MACROD2: variants seen among roughly 807,000 people sequenced by gnomAD.
MACROD2 encodes ADP-ribose glycohydrolase MACROD2.
Under a neutral mutation model 70.4 loss-of-function variants are expected in MACROD2, and 36 were observed. The observed-to-expected ratio is 0.51, with a 90% CI of 0.39 to 0.68. The LOEUF (loss-of-function observed/expected upper bound fraction) is 0.68. MACROD2 is among the 30% of genes least tolerant of loss of function. The pLI is 0.00. For missense variants in MACROD2, 496 were observed against 538.4 expected (o/e 0.92, Z 0.78); for synonymous variants, 172 against 178.8 (o/e 0.96, Z 0.30).
At chr20:14,533,443 T>A (rs1345846274) in intron 4 of MACROD2, among the ~76,000 whole-genome samples, 1 of 152,216 alleles carries the variant, frequency 6.6e-6, no homozygotes, top group African/African-American at 2.4e-5. Context: ...ATTTTTAGAT[T>A]ATTTCTTAAC....
At chr20:15,193,875 A>G (rs888590303) in intron 5 of MACROD2, among the ~76,000 whole-genome samples, 2 of 152,058 alleles carry the variant, frequency 1.3e-5, no homozygotes, top group Admixed American at 6.6e-5. Context: ...TCACCAGATT[A>G]GTAATGAGAT....
intron 8 of MACROD2, among the ~76,000 whole-genome samples, chr20:15,557,220 A>G (rs907781677): frequency 6.6e-6 from 1 of 152,232 alleles, no homozygotes; most frequent in South Asian, 2.1e-4. Flanking sequence ...CCTTAAAAAA[A>G]AAAAAAAAAT....
intron 8 of MACROD2, among the ~76,000 whole-genome samples, chr20:15,801,223 A>C (rs2063723268): frequency 6.6e-6 from 1 of 151,870 alleles, no homozygotes; most frequent in African/African-American, 2.4e-5. Flanking sequence ...AAAACAAACA[A>C]ACAAAAACTG....
intron 3 of MACROD2, among the ~76,000 whole-genome samples, chr20:14,261,688 CCT>C (rs2122314695): frequency 6.6e-6 from 1 of 151,822 alleles, no homozygotes; most frequent in South Asian, 2.1e-4. Flanking sequence ...CGTTCCTTCC[CCT>C]GTTCATTTAT....
At chr20:15,133,375 T>C (rs2123282568) in intron 5 of MACROD2, among the ~76,000 whole-genome samples, 1 of 152,258 alleles carries the variant, frequency 6.6e-6, no homozygotes, top group Non-Finnish European at 1.5e-5. Context: ...GAACAGTTCA[T>C]TTGTAAACAA....
At chr20:14,774,789 A>T (rs2072213287) in intron 5 of MACROD2, among the ~76,000 whole-genome samples, 1 of 152,148 alleles carries the variant, frequency 6.6e-6, no homozygotes, top group Non-Finnish European at 1.5e-5. Flanking sequence ...TGGCCTAGAA[A>T]TATATAATAC....
chr20:14,688,726 A>T (rs375807125), intron 5 of MACROD2, among the ~76,000 whole-genome samples: 1 of 152,142 alleles, frequency 6.6e-6, no homozygotes. Flanking sequence ...GGACATTTCT[A>T]TTCATGCTAT....
intron 6 of MACROD2, among the ~76,000 whole-genome samples, chr20:15,367,739 G>A (rs2045432198): frequency 6.6e-6 from 1 of 151,710 alleles, no homozygotes; most frequent in South Asian, 2.1e-4. Context: ...TGGACCTGAG[G>A]AATCTGACAT....
At chr20:15,622,846 C>A (rs920048318) in intron 8 of MACROD2, among the ~76,000 whole-genome samples, 3 of 152,128 alleles carry the variant, frequency 2.0e-5, no homozygotes, top group African/African-American at 7.2e-5. Flanking sequence ...TGTTGTTAAT[C>A]TCTTACTGTG....
intron 8 of MACROD2, among the ~76,000 whole-genome samples, chr20:15,722,540 CA>C (rs1048267474): frequency 6.0e-4 from 91 of 152,222 alleles, no homozygotes; most frequent in African/African-American, 2.2e-3. Flanking sequence ...AGTATCTCTT[CA>C]GGTCTTTGAT....
intron 8 of MACROD2, among the ~76,000 whole-genome samples, chr20:15,787,344 T>G (rs1038840347): frequency 2.0e-5 from 3 of 152,200 alleles, no homozygotes; most frequent in Non-Finnish European, 4.4e-5. Flanking sequence ...CAGGGGTACA[T>G]GTATAGGTCT....
At chr20:15,673,000 A>G (rs1246887233) in intron 8 of MACROD2, among the ~76,000 whole-genome samples, 11 of 152,032 alleles carry the variant, frequency 7.2e-5, no homozygotes, top group African/African-American at 2.4e-4. Flanking sequence ...CATGCCTTTT[A>G]CCTTCTGCCA....
intron 10 of MACROD2, among the ~76,000 whole-genome samples, chr20:15,905,805 G>A (rs545284763): frequency 1.3e-5 from 2 of 152,234 alleles, no homozygotes; most frequent in African/African-American, 4.8e-5. Context: ...AGAATTTCCT[G>A]GATTCACGCC....
At chr20:14,360,717 G>C (rs976329871) in intron 3 of MACROD2, among the ~76,000 whole-genome samples, 1 of 152,168 alleles carries the variant, frequency 6.6e-6, no homozygotes. Context: ...CTGTAATCAG[G>C]CATCTTTTCT....
intron 2 of MACROD2, among the ~76,000 whole-genome samples, chr20:14,057,216 A>T (rs961302081): frequency 6.6e-6 from 1 of 152,180 alleles, no homozygotes; most frequent in Non-Finnish European, 1.5e-5. Context: ...ATCTTGAAGT[A>T]GGAAAATGTT....
At chr20:15,429,405 C>A (rs1437335344) in intron 6 of MACROD2, among the ~76,000 whole-genome samples, 1 of 152,090 alleles carries the variant, frequency 6.6e-6, no homozygotes, top group East Asian at 1.9e-4. Flanking sequence ...CAGTAGAATT[C>A]ACTATTAATA....
intron 5 of MACROD2, among the ~76,000 whole-genome samples, chr20:15,018,892 G>A (rs908697108): frequency 6.6e-6 from 1 of 152,290 alleles, no homozygotes; most frequent in East Asian, 1.9e-4. Context: ...CATGTGACAT[G>A]CCTGTTCCTC....
intron 4 of MACROD2, among the ~76,000 whole-genome samples, chr20:14,622,188 A>G (rs780688024): frequency 5.3e-5 from 8 of 152,170 alleles, no homozygotes; most frequent in Non-Finnish European, 8.8e-5. Context: ...TAGAAACTCA[A>G]ATAATTTTCT....
intron 8 of MACROD2, among the ~76,000 whole-genome samples, chr20:15,716,847 T>C (rs186689225): frequency 6.6e-6 from 1 of 152,268 alleles, no homozygotes; most frequent in Admixed American, 6.5e-5. Flanking sequence ...GAATGAAAGA[T>C]ACTGAAAGGT....
Sources: gnomAD v4.1 joint callset for allele counts (sites outside exome capture counted in the v4.1 genomes callset) on GRCh38, gnomAD v4.1.1 for gene constraint, MANE v1.5 for transcripts, NCBI Gene and HGNC (gene_info 2026-07-23, HGNC 2026-07-21) for gene names.